Variants in PCDH9 observed in about 807,000 individuals in gnomAD.
PCDH9 encodes protocadherin-9.
Under a neutral mutation model 70.6 loss-of-function variants are expected in PCDH9, and 24 were observed. That is an observed-to-expected ratio of 0.34 (90% confidence interval 0.25 to 0.48). The LOEUF is 0.48. PCDH9 is among the 20% of genes least tolerant of loss of function. PCDH9 has a pLI of 0.99. For synonymous variants in PCDH9, 562 were observed against 558.5 expected, an observed-to-expected ratio of 1.01 and a Z score of -0.09; for missense variants, 1,281 against 1,503.6, an observed-to-expected ratio of 0.85 and a Z score of 2.45.
intron 2 of PCDH9, among the ~76,000 whole-genome samples, chr13:66,940,354 T>C (rs1356622959): frequency 6.6e-6 from 1 of 152,196 alleles, no homozygotes; most frequent in African/African-American, 2.4e-5. Context: ...GTTGTTGTTG[T>C]TGTCGTCATT....
chr13:67,227,761 C>T lies in PCDH9; in HGVS notation c.680G>A (p.Gly227Glu). Reference protein sequence around the residue: ...TYVMKIKVEDGGTPQKSSTAI... With the variant: ...TYVMKIKVEDEGTPQKSSTAI... Reference sequence around the variant, plus strand: ...CGTACTGGATTTCTGTGGAGTGCCTCCATCCTCTACTTTGATTTTCATCAC... The same window carrying T: ...CGTACTGGATTTCTGTGGAGTGCCTTCATCCTCTACTTTGATTTTCATCAC... Residue 227 changes from glycine (G) to glutamate (E), a missense_variant, in exon 2 of 5, where the codon GGA (glycine) becomes GAA (glutamate). By Grantham distance (98) the Gly-to-Glu change is moderately conservative (BLOSUM62 -2). Transcript: ENST00000377865. The surrounding 1 kb of genome is among the most constrained non-coding windows in gnomAD (Gnocchi z 4.6). The T allele has an allele frequency of 6.2e-7, 1 of 1,613,646 alleles. No individual in the cohort carries two copies. Among genetic ancestry groups the T allele is most frequent in the Non-Finnish European group, 8.5e-7 (1 of 1,179,552 alleles).
chr13:66,746,840 C>G (rs1197146697), intron 3 of PCDH9, among the ~76,000 whole-genome samples: 1 of 151,954 alleles, frequency 6.6e-6, no homozygotes, highest in Non-Finnish European at 1.5e-5. Flanking sequence ...TTTGGAGAAT[C>G]AACATTAGAA....
At chr13:66,875,567 C>T (rs1024131170) in intron 3 of PCDH9, among the ~76,000 whole-genome samples, 3 of 152,142 alleles carry the variant, frequency 2.0e-5, no homozygotes, top group African/African-American at 7.2e-5. Context: ...GGGCAGTTTC[C>T]ATTCCAATGT....
In PCDH9 at chr13:66,691,506, T is replaced by C. The variant is rs1008109672; in HGVS notation, c.3139-60095A>G. 7.2e-5 allele frequency among the ~76,000 whole-genome samples: 11 copies of C among 152,180 alleles called. No individual in the cohort carries two copies. In the East Asian group the frequency reaches 1.3e-3, roughly 19 times the overall value. On this transcript the variant is annotated intron_variant, in intron 3 of 4. Transcript: ENST00000377865. ...TGTCTTTTGTTTCAATGATGTAAGATTGGACACAGTTAAATTTAAAAATAC... is the reference window on the plus strand; with the variant it reads ...TGTCTTTTGTTTCAATGATGTAAGACTGGACACAGTTAAATTTAAAAATAC...
intron 2 of PCDH9, among the ~76,000 whole-genome samples, chr13:67,096,449 T>A (rs1490427422): frequency 6.6e-6 from 1 of 152,146 alleles, no homozygotes; most frequent in African/African-American, 2.4e-5. Flanking sequence ...GAGAGGAAAA[T>A]ACTGACTTTA....
At chr13:67,054,864 T>G (rs916888074) in intron 2 of PCDH9, among the ~76,000 whole-genome samples, 16 of 152,288 alleles carry the variant, frequency 1.1e-4, no homozygotes, top group African/African-American at 3.9e-4. Flanking sequence ...CTCTGACTTG[T>G]AGGCAATGAA....
chr13:66,623,620 T>G (rs983812027), intron 4 of PCDH9, among the ~76,000 whole-genome samples: 52 of 152,296 alleles, frequency 3.4e-4, no homozygotes, highest in Middle Eastern at 3.4e-3. Flanking sequence ...TAATTTTTTT[T>G]GTACAGACAC....
At chr13:66,502,100 A>C (rs1445534590) in intron 4 of PCDH9, among the ~76,000 whole-genome samples, 7 of 152,166 alleles carry the variant, frequency 4.6e-5, no homozygotes, top group Admixed American at 4.6e-4. Flanking sequence ...GGTAGCTGTT[A>C]CTTACAAGTG....
At chr13:66,342,926 G>A (rs1264319321) in intron 4 of PCDH9, among the ~76,000 whole-genome samples, 15 of 151,746 alleles carry the variant, frequency 9.9e-5, no homozygotes, top group Admixed American at 4.6e-4. Flanking sequence ...GATTACAGGC[G>A]TAAGCCACCG....
intron 4 of PCDH9, among the ~76,000 whole-genome samples, chr13:66,354,436 T>C (rs980586235): frequency 6.6e-6 from 1 of 152,220 alleles, no homozygotes; most frequent in East Asian, 1.9e-4. Context: ...ATGAGAAAAA[T>C]TATTGGCCCC....
intron 3 of PCDH9, among the ~76,000 whole-genome samples, chr13:66,687,417 C>A (rs959066907): frequency 6.6e-6 from 1 of 151,950 alleles, no homozygotes; most frequent in Non-Finnish European, 1.5e-5. Context: ...GCGGATCCTG[C>A]CAAAATACAT....
chr13:67,058,888 G>T (rs1047143716), intron 2 of PCDH9, among the ~76,000 whole-genome samples: 16 of 152,038 alleles, frequency 1.1e-4, no homozygotes, highest in African/African-American at 3.9e-4. Context: ...TTGTTTTTAG[G>T]TGTATTTTTT....
chr13:67,153,386 G>A (rs2087711789), intron 2 of PCDH9, among the ~76,000 whole-genome samples: 1 of 151,982 alleles, frequency 6.6e-6, no homozygotes, highest in Non-Finnish European at 1.5e-5. Context: ...GTCCCAGCTG[G>A]TCTTGAACTC....
chr13:66,332,920 T>C (rs996504066), intron 4 of PCDH9, among the ~76,000 whole-genome samples: 1 of 152,050 alleles, frequency 6.6e-6, no homozygotes, highest in Non-Finnish European at 1.5e-5. Flanking sequence ...GAATGTTCAT[T>C]GAGATGACAA....
At chr13:66,717,470 AAAAAAAAAAAATATATATATAT>A (rs1284232226) in intron 3 of PCDH9, among the ~76,000 whole-genome samples, 1 of 37,130 alleles carries the variant, frequency 2.7e-5, no homozygotes, top group Non-Finnish European at 5.8e-5. Context: ...AAAAAAAAAA[AAAAAAAAAAAATATATATATAT>A]ATATATATAT....
chr13:67,004,755 A>G (rs533456402), intron 2 of PCDH9, among the ~76,000 whole-genome samples: 22 of 152,168 alleles, frequency 1.4e-4, no homozygotes, highest in Middle Eastern at 3.4e-3. Context: ...ATTGTGTTTC[A>G]GTTTTCTTGG....
chr13:66,359,643 T>C (rs1956436659), intron 4 of PCDH9, among the ~76,000 whole-genome samples: 1 of 152,072 alleles, frequency 6.6e-6, no homozygotes, highest in Non-Finnish European at 1.5e-5. Context: ...ACATTGAGAC[T>C]GTCTAGTAAC....
intron 3 of PCDH9, among the ~76,000 whole-genome samples, chr13:66,845,776 A>G (rs1049879996): frequency 1.3e-5 from 2 of 152,194 alleles, no homozygotes; most frequent in African/African-American, 2.4e-5. Flanking sequence ...TTGTGGAACA[A>G]TTCCCCAAAA....
At chr13:66,876,806 A>T (rs1437720739) in intron 3 of PCDH9, 1 of 152,136 alleles carries the variant, frequency 6.6e-6, no homozygotes, top group Admixed American at 6.6e-5. Flanking sequence ...CACAAATACT[A>T]TTTTATTAAT....
Sources: allele counts gnomAD v4.1 joint callset (sites outside exome capture counted in the v4.1 genomes callset), GRCh38; gene constraint gnomAD v4.1.1; non-coding constraint Gnocchi (gnomAD v3.1); transcripts MANE v1.5; gene names NCBI Gene and HGNC (gene_info 2026-07-23, HGNC 2026-07-21).